Variants in CLUL1 observed in about 807,000 individuals in gnomAD.
The protein encoded by CLUL1 is clusterin like 1, also known as clusterin-like protein 1.
A neutral mutation model predicts 49.4 loss-of-function variants in CLUL1; 43 were observed. The ratio of observed to expected loss-of-function variants is 0.87; its 90% CI spans 0.68 to 1.12. The LOEUF is 1.12. CLUL1 is among the 50% of genes most tolerant of loss of function. The probability of loss-of-function intolerance (pLI) is 0.00; values close to 1 mark genes in which losing one functional copy is unlikely to be tolerated. For synonymous variants in CLUL1, 192 were observed against 184.9 expected (o/e 1.04, Z -0.31); for missense variants, 486 against 544.4 (o/e 0.89, Z 1.07).
intron 7 of CLUL1, among the ~76,000 whole-genome samples, chr18:637,548 T>C (rs1186350669): frequency 1.3e-5 from 2 of 152,156 alleles, no homozygotes; most frequent in Non-Finnish European, 2.9e-5. Flanking sequence ...CTACCCCACC[T>C]TAGAATGTAT....
At chr18:641,939 C>T (rs1048398448) in intron 8 of CLUL1, among the ~76,000 whole-genome samples, 1 of 152,140 alleles carries the variant, frequency 6.6e-6, no homozygotes, top group African/African-American at 2.4e-5. Context: ...AGTACCTCAA[C>T]CATTCTAGGC....
chr18:649,058 A>C (rs1478725341), intron 9 of CLUL1, among the ~76,000 whole-genome samples: 1 of 152,158 alleles, frequency 6.6e-6, no homozygotes, highest in Admixed American at 6.5e-5. Context: ...ACATTTTCCA[A>C]GTTTGTTTAC....
intron 9 of CLUL1, among the ~76,000 whole-genome samples, chr18:649,358 A>T (rs1478335708): frequency 6.6e-6 from 1 of 152,198 alleles, no homozygotes; most frequent in Non-Finnish European, 1.5e-5. Flanking sequence ...TCTTCTAGTT[A>T]TCTAGCATCC....
chr18:609,083 A>AT (rs1247181748), intron 2 of CLUL1, among the ~76,000 whole-genome samples: 1 of 152,168 alleles, frequency 6.6e-6, no homozygotes, highest in African/African-American at 2.4e-5. Flanking sequence ...TATCTTGGGG[A>AT]TAGAACCTAC....
In CLUL1 at chr18:618,175, A is replaced by G. The variant is rs1017512977; in HGVS notation, c.106+69A>G. ...GGTTGTCCTGCTGGCGTTTATAGTG[A>G]GTCGCAGTTGAGAGATAACCATATT... On this transcript the variant is annotated intron_variant, in intron 3 of 9. Coordinates refer to ENST00000692774, the MANE Select transcript of CLUL1 (RefSeq NM_001393344.1). The surrounding 1 kb of genome is among the most constrained non-coding windows in gnomAD (Gnocchi z 4.2). The G allele has an allele frequency of 1.0e-5, 12 of 1,168,062 alleles. No individual in the cohort carries two copies. In the East Asian group the frequency reaches 2.8e-4, roughly 28 times the overall value. The allele number at this position is 1,168,062 out of a possible 1,614,324, so 72.4% of individuals were successfully genotyped here.
chr18:641,456 T>A lies in CLUL1; in HGVS notation c.1124T>A (p.Val375Glu). The change falls in exon 8 of 10, where the codon GTG (valine) becomes GAG (glutamate). Residue 375 changes from valine (V) to glutamate (E), a missense_variant. Val to Glu is a moderately radical substitution (Grantham distance 121, BLOSUM62 -2). Transcript: ENST00000692774. ...CACTTGGAGGACACCGCCTATCTGG[T>A]GGAGAAGATGAGAGGGCAATTTGGC... Reference protein sequence around the residue: ...RKHLEDTAYLVEKMRGQFGWV... With the variant: ...RKHLEDTAYLEEKMRGQFGWV... 1 of 1,614,148 alleles carries A rather than the reference T, an allele frequency of 6.2e-7. No homozygotes were observed. Among genetic ancestry groups the A allele is most frequent in the South Asian group, 1.1e-5 (1 of 91,082 alleles).
intron 7 of CLUL1, among the ~76,000 whole-genome samples, chr18:635,171 A>C (rs114109305): frequency 0.01 from 1,594 of 152,302 alleles, 26 homozygotes; most frequent in African/African-American, 0.036. Flanking sequence ...TCTGTAAAAC[A>C]GTGGTCCCCA....
Position 644,933 on chromosome 18 carries a change from A to C in CLUL1, c.1233A>C (p.Gly411=), listed in dbSNP as rs753177771. The C allele has an allele frequency of 9.3e-6, 15 of 1,612,704 alleles. No individual in the cohort carries two copies. The East Asian group carries it at 2.7e-4, about 29-fold the overall frequency. The part of the protein sequence containing the change: ...SIQVVPRIHE[G]NISKQDETMM... ...AGGTAGTTCCAAGGATTCATGAAGG[A>C]AATATTTCCAAACAAGATGAAACAA... The change falls in exon 9 of 10, where the codon GGA becomes GGC. Residue 411 remains glycine, a synonymous_variant. Transcript: ENST00000692774.
chr18:601,936 C>T (rs551522886), intron 1 of CLUL1, among the ~76,000 whole-genome samples: 20 of 151,946 alleles, frequency 1.3e-4, no homozygotes, highest in Admixed American at 3.9e-4. Flanking sequence ...AGGTAACAGA[C>T]AGGGTCAGGC....
At chr18:599,728 T>G (rs2072766446) in intron 1 of CLUL1, among the ~76,000 whole-genome samples, 1 of 152,022 alleles carries the variant, frequency 6.6e-6, no homozygotes, top group African/African-American at 2.4e-5. Flanking sequence ...GTCAGGAGAT[T>G]GAGACCATCC....
At chr18:609,790 C>T (rs2073079570) in intron 2 of CLUL1, among the ~76,000 whole-genome samples, 1 of 147,028 alleles carries the variant, frequency 6.8e-6, no homozygotes, top group Admixed American at 6.9e-5. Context: ...CTCCATTGCA[C>T]TCCAGCCTGG....
chr18:619,828 G>A (rs1164261160), intron 4 of CLUL1, among the ~76,000 whole-genome samples: 1 of 152,046 alleles, frequency 6.6e-6, no homozygotes, highest in Non-Finnish European at 1.5e-5. Context: ...TCCTGTCTCA[G>A]CCTCCCTAGT....
At position 646,493 on chromosome 18, in the gene CLUL1, GATAGACAC is replaced by G. The variant is rs1167024456; in HGVS notation, c.1397+1398_1397+1405del. Among the ~76,000 whole-genome samples the G allele has an allele frequency of 3.9e-3, 404 of 104,488 alleles. 2 individuals are homozygous for G. Among genetic ancestry groups the G allele is most frequent in the African/African-American group, 0.013 (382 of 29,470 alleles). The allele number at this position is 104,488 out of a possible 152,430, so 68.5% of individuals were successfully genotyped here. A position where few individuals can be genotyped will look rare whatever the true frequency, so the allele number is the denominator to read the frequency against. On this transcript the variant is annotated intron_variant, in intron 9 of 9. Transcript: ENST00000692774. ...ATCCAACAGGGGCACAAGACAGATAGATAGACACACACACACACACACACACACACACA... is the reference window on the plus strand; with the variant it reads ...ATCCAACAGGGGCACAAGACAGATAGACACACACACACACACACACACACA...
chr18:609,162 A>G (rs2073062678), intron 2 of CLUL1, among the ~76,000 whole-genome samples: 1 of 152,188 alleles, frequency 6.6e-6, no homozygotes, highest in African/African-American at 2.4e-5. Flanking sequence ...AAATTTACAC[A>G]ATATTTTTAA....
At chr18:626,089 G>A (rs552548560) in intron 5 of CLUL1, among the ~76,000 whole-genome samples, 2 of 152,132 alleles carry the variant, frequency 1.3e-5, no homozygotes, top group South Asian at 2.1e-4. Context: ...TAGAGGGAGA[G>A]GCAGACAATC....
chr18:632,792 GT>G (rs2074025676), intron 6 of CLUL1, among the ~76,000 whole-genome samples: 6 of 152,280 alleles, frequency 3.9e-5, no homozygotes. Context: ...ATTCAAGAGT[GT>G]GCAATTTTTA....
rs2074631951 is a variant in CLUL1 at position 649,934 on chromosome 18, G to A, written c.*33G>A. The stretch of plus-strand genomic sequence containing the variant: ...TAATGCATCCTATATCCAGTAAGTA[G>A]AATTATCTCTTCATCTGGGACCTGG... On this transcript the variant is annotated 3_prime_UTR_variant, in exon 10 of 10. Coordinates refer to ENST00000692774, the MANE Select transcript of CLUL1 (RefSeq NM_001393344.1). 3 of 1,284,746 alleles carry A rather than the reference G, an allele frequency of 2.3e-6. No homozygotes were observed. 79.6% of individuals were successfully genotyped at this position (1,284,746 alleles called of 1,614,324 possible).
Position 645,054 on chromosome 18 carries a change from G to C in CLUL1, c.1354G>C (p.Val452Leu). ...GAGTTCTAACTTCATTGGCTACGTA[G>C]TGGCAAAAGCTCTACAGCATTTTAA... ...AESSNFIGYVVAKALQHFKEH... is the reference protein window; with the variant it reads ...AESSNFIGYVLAKALQHFKEH... The change falls in exon 9 of 10, where the codon GTG becomes CTG. Residue 452 changes from valine to leucine, a missense_variant. Transcript: ENST00000692774. 11 of 1,611,446 alleles carry C rather than the reference G, an allele frequency of 6.8e-6. No homozygotes were observed. The highest frequency in any genetic ancestry group is 9.3e-6 in the Non-Finnish European group (11 of 1,178,974).
intron 9 of CLUL1, among the ~76,000 whole-genome samples, chr18:648,840 T>C: frequency 6.6e-6 from 1 of 152,058 alleles, no homozygotes. Context: ...TATTTTTTAG[T>C]AGAGATGTGT....
Sources: allele counts gnomAD v4.1 joint callset (sites outside exome capture counted in the v4.1 genomes callset), GRCh38; gene constraint gnomAD v4.1.1; non-coding constraint Gnocchi (gnomAD v3.1); transcripts MANE v1.5; gene names NCBI Gene and HGNC (gene_info 2026-07-23, HGNC 2026-07-21).